KCND2: variants seen among roughly 807,000 people sequenced by gnomAD.
The protein encoded by KCND2 is A-type voltage-gated potassium channel KCND2.
A neutral mutation model predicts 54.4 loss-of-function variants in KCND2; 16 were observed. That is an observed-to-expected ratio of 0.29 (90% CI 0.20 to 0.45). The LOEUF (loss-of-function observed/expected upper bound fraction) is 0.45, where lower values mean the gene tolerates loss of function less well. Among genes scored for constraint, KCND2 ranks in the 20% least tolerant of loss-of-function variants. The pLI, the probability that KCND2 is intolerant of heterozygous loss-of-function variation, is 1.00. For synonymous variants in KCND2, 317 were observed against 310.7 expected, an observed-to-expected ratio of 1.02 and a Z score of -0.21; for missense variants, 486 against 824.2, an observed-to-expected ratio of 0.59 and a Z score of 5.02.
intron 1 of KCND2, among the ~76,000 whole-genome samples, chr7:120,338,523 A>G (rs1391977585): frequency 6.6e-6 from 1 of 152,112 alleles, no homozygotes; most frequent in Non-Finnish European, 1.5e-5. Flanking sequence ...AGTTAACTAT[A>G]GAATATTCTA....
At chr7:120,543,713 A>T (rs2116384968) in intron 1 of KCND2, among the ~76,000 whole-genome samples, 1 of 152,018 alleles carries the variant, frequency 6.6e-6, no homozygotes, top group East Asian at 1.9e-4. Context: ...ACCCCTACTG[A>T]TTTTCAAAAC....
At chr7:120,501,999 A>C (rs1802942824) in intron 1 of KCND2, among the ~76,000 whole-genome samples, 1 of 152,236 alleles carries the variant, frequency 6.6e-6, no homozygotes, top group African/African-American at 2.4e-5. Flanking sequence ...AGTGTTTTTA[A>C]CAAGTTCTTT....
chr7:120,583,019 A>T (rs1239259700), intron 1 of KCND2, among the ~76,000 whole-genome samples: 1 of 151,462 alleles, frequency 6.6e-6, no homozygotes, highest in Non-Finnish European at 1.5e-5. Flanking sequence ...CAGCTTCCCT[A>T]TCAGCTCCTG....
At chr7:120,590,203 G>A (rs1792653036) in intron 1 of KCND2, among the ~76,000 whole-genome samples, 2 of 152,008 alleles carry the variant, frequency 1.3e-5, no homozygotes, top group African/African-American at 4.8e-5. Context: ...ATTTTTAGTA[G>A]AGATGGGGTT....
rs551192738 is a variant in KCND2, at chr7:120,631,323, C to T, written c.1116-101580C>T. The stretch of plus-strand genomic sequence containing the variant: ...TGAAGTAGGCCAGTATTCAGATAGT[C>T]AATTTCAATTTGAGGCTCAGTGATT... On this transcript the variant is annotated intron_variant, in intron 1 of 5. Coordinates refer to ENST00000331113, the MANE Select transcript of KCND2 (RefSeq NM_012281.3). 2.0e-5 allele frequency among the ~76,000 whole-genome samples: 3 copies of T among 152,066 alleles called. No homozygotes were observed. The East Asian group carries it at 5.8e-4, about 29-fold the overall frequency.
At chr7:120,500,842 G>A (rs1802920943) in intron 1 of KCND2, among the ~76,000 whole-genome samples, 1 of 149,758 alleles carries the variant, frequency 6.7e-6, no homozygotes, top group African/African-American at 2.4e-5. Context: ...TTAAATGTAT[G>A]GTTTAAATAT....
chr7:120,376,038 G>A (rs1042283907), intron 1 of KCND2, among the ~76,000 whole-genome samples: 5 of 151,584 alleles, frequency 3.3e-5, no homozygotes, highest in African/African-American at 1.2e-4. Context: ...TAAAGTTCTA[G>A]GATAAGTAAA....
chr7:120,633,150 G>A (rs1584862525), intron 1 of KCND2, among the ~76,000 whole-genome samples: 1 of 152,186 alleles, frequency 6.6e-6, no homozygotes, highest in East Asian at 1.9e-4. Flanking sequence ...AGAGGAGATA[G>A]GGCAGAAGAT....
At position 120,273,247 on chromosome 7, in the gene KCND2, G is replaced by A. The variant is rs1295432899; in HGVS notation, c.-1386G>A. On this transcript the variant is annotated 5_prime_UTR_variant, in exon 1 of 6. Transcript: ENST00000331113. ...CTTATTTATTGATCGCACTAGCAGA[G>A]CAGCGCGGGGAGCCCGGGGAGATGC... Among the ~76,000 whole-genome samples, 1 of 151,882 alleles carries A rather than the reference G, an allele frequency of 6.6e-6. No individual in the cohort carries two copies. Among genetic ancestry groups the A allele is most frequent in the African/African-American group, 2.4e-5 (1 of 41,430 alleles).
At position 120,740,564 on chromosome 7, in the gene KCND2, C is replaced by T. The variant is rs536221836; in HGVS notation, c.1279-970C>T. ...AGGGAAAACGAGACTGTTTCCATGACGGTCTAAATGCACGTCAACAACAGC... is the reference window on the plus strand; with the variant it reads ...AGGGAAAACGAGACTGTTTCCATGATGGTCTAAATGCACGTCAACAACAGC... On this transcript the variant is annotated intron_variant, in intron 2 of 5. Coordinates refer to ENST00000331113, the MANE Select transcript of KCND2 (RefSeq NM_012281.3). 1.8e-4 allele frequency among the ~76,000 whole-genome samples: 28 copies of T among 152,154 alleles called. No homozygotes were observed. The East Asian group carries it at 5.0e-3, about 27-fold the overall frequency.
At chr7:120,525,470 A>G (rs1188600397) in intron 1 of KCND2, among the ~76,000 whole-genome samples, 1 of 152,188 alleles carries the variant, frequency 6.6e-6, no homozygotes, top group African/African-American at 2.4e-5. Context: ...GTAGTTTTAA[A>G]TCAGCATAAT....
chr7:120,402,761 C>T (rs1479625749), intron 1 of KCND2, among the ~76,000 whole-genome samples: 1 of 152,084 alleles, frequency 6.6e-6, no homozygotes, highest in East Asian at 1.9e-4. Flanking sequence ...TTTATATTAT[C>T]TTTTTGACAT....
chr7:120,613,728 C>T (rs575747036), intron 1 of KCND2, among the ~76,000 whole-genome samples: 17 of 152,156 alleles, frequency 1.1e-4, no homozygotes, highest in African/African-American at 4.1e-4. Flanking sequence ...TTCTTAGGTC[C>T]TTTGTCATTT....
intron 1 of KCND2, among the ~76,000 whole-genome samples, chr7:120,621,276 C>CAAAAAAA (rs1175736454): frequency 3.4e-4 from 16 of 47,202 alleles, no homozygotes; most frequent in African/African-American, 9.7e-4. Flanking sequence ...GACTCCGTCT[C>CAAAAAAA]AAAAAAAAAA....
At position 120,746,045 on chromosome 7, in the gene KCND2, G is replaced by A. The variant is rs1793002128; in HGVS notation, c.1715+18G>A. 1.9e-6 allele frequency: 3 copies of A among 1,611,050 alleles called. No homozygotes were observed. Among genetic ancestry groups the A allele is most frequent in the Non-Finnish European group, 2.5e-6 (3 of 1,179,518 alleles). On this transcript the variant is annotated intron_variant, in intron 5 of 5. Transcript: ENST00000331113. The stretch of plus-strand genomic sequence containing the variant: ...TCTAACAGGTACCTGAGATTAATCT[G>A]TGTTGTCTACACACCTGTGCTGGTT...
chr7:120,431,982 C>T (rs528858022), intron 1 of KCND2, among the ~76,000 whole-genome samples: 27 of 152,236 alleles, frequency 1.8e-4, no homozygotes, highest in Middle Eastern at 3.4e-3. Flanking sequence ...GTTCTAATTC[C>T]TAAAACAAGT....
chr7:120,516,681 C>T (rs1163939267), intron 1 of KCND2, among the ~76,000 whole-genome samples: 1 of 152,116 alleles, frequency 6.6e-6, no homozygotes, highest in Non-Finnish European at 1.5e-5. Flanking sequence ...ATTGGCCAAA[C>T]TCCGTTAATA....
At chr7:120,486,935 A>G (rs868131464) in intron 1 of KCND2, among the ~76,000 whole-genome samples, 31 of 152,300 alleles carry the variant, frequency 2.0e-4, no homozygotes, top group African/African-American at 7.0e-4. Context: ...CAGAGCTACA[A>G]AGGAAACATG....
intron 1 of KCND2, among the ~76,000 whole-genome samples, chr7:120,503,361 G>T (rs1479395288): frequency 6.6e-6 from 1 of 150,492 alleles, no homozygotes; most frequent in Non-Finnish European, 1.5e-5. Flanking sequence ...TTCAAAATTT[G>T]AGATTACAAA....
Sources: allele counts gnomAD v4.1 joint callset (sites outside exome capture counted in the v4.1 genomes callset), GRCh38; gene constraint gnomAD v4.1.1; transcripts MANE v1.5; gene names NCBI Gene and HGNC (gene_info 2026-07-23, HGNC 2026-07-21).